Variants in LRP2 observed in about 807,000 individuals in gnomAD.
LRP2 encodes low-density lipoprotein receptor-related protein 2.
A neutral mutation model predicts 531.0 loss-of-function variants in LRP2; 172 were observed. The ratio of observed to expected loss-of-function variants is 0.32; its 90% confidence interval spans 0.29 to 0.37. The LOEUF (loss-of-function observed/expected upper bound fraction) is 0.37, where lower values mean the gene tolerates loss of function less well. Ranked by LOEUF, LRP2 falls within the 10% of genes least tolerant of loss-of-function variation. The pLI is 1.00. For synonymous variants in LRP2, 1,992 were observed against 2,027.6 expected, an observed-to-expected ratio of 0.98 and a Z score of 0.47; for missense variants, 5,167 against 5,868.3, an observed-to-expected ratio of 0.88 and a Z score of 3.90.
At chr2:169,358,558 G>A (rs1038277363) in intron 1 of LRP2, among the ~76,000 whole-genome samples, 1 of 152,164 alleles carries the variant, frequency 6.6e-6, no homozygotes, top group African/African-American at 2.4e-5. Flanking sequence ...AGGTTCCAGA[G>A]TTGTGATGGA....
At chr2:169,231,168 C>T (rs1390306770) in intron 31 of LRP2, among the ~76,000 whole-genome samples, 2 of 151,996 alleles carry the variant, frequency 1.3e-5, no homozygotes, top group Non-Finnish European at 2.9e-5. Flanking sequence ...GTGGCGTGCA[C>T]CTATAGTCTC....
intron 36 of LRP2, among the ~76,000 whole-genome samples, chr2:169,212,635 C>A (rs192594896): frequency 6.6e-6 from 1 of 152,026 alleles, no homozygotes; most frequent in East Asian, 1.9e-4. Flanking sequence ...TTGGAAGAAA[C>A]TGGAGACTAT....
intron 16 of LRP2, among the ~76,000 whole-genome samples, chr2:169,263,283 G>C (rs1690647288): frequency 6.6e-6 from 1 of 152,084 alleles, no homozygotes; most frequent in African/African-American, 2.4e-5. Context: ...CACAGCAAAA[G>C]AAACTACCAT....
chr2:169,288,915 T>G, intron 9 of LRP2, 111 bp downstream of exon 9: 1 of 1,541,594 alleles, frequency 6.5e-7, no homozygotes, highest in African/African-American at 1.4e-5. Flanking sequence ...CTCTTTGTTA[T>G]GACAGACCAT....
chr2:169,257,813 A>C lies in LRP2; in HGVS notation c.2514-564T>G, dbSNP rs561930340. Among the ~76,000 whole-genome samples, 13 of 128,014 alleles carry C rather than the reference A, an allele frequency of 1.0e-4. No individual in the cohort carries two copies. The East Asian group carries it at 1.1e-3, about 11-fold the overall frequency. 84.0% of individuals were successfully genotyped at this position (128,014 alleles called of 152,430 possible). On this transcript the variant is annotated intron_variant, in intron 17 of 78. Transcript: ENST00000649046. ...GGAAAAAGATAAGTCTAGAGGCAAA[A>C]AAAAACAAAAACAAAAAAAAAAAAC...
chr2:169,175,464 C>G (rs908211708), intron 54 of LRP2, 75 bp from the exon 55 acceptor site: 4 of 1,401,030 alleles, frequency 2.9e-6, no homozygotes, highest in Non-Finnish European at 4.0e-6. Context: ...GAAGTCAACA[C>G]TGAATTCCAA....
intron 50 of LRP2, among the ~76,000 whole-genome samples, chr2:169,183,547 G>A (rs1247170903): frequency 6.6e-6 from 1 of 152,174 alleles, no homozygotes; most frequent in Admixed American, 6.6e-5. Context: ...TAGTATTCCT[G>A]TTGCTATTAC....
chr2:169,265,045 C>G (rs1013609997), intron 16 of LRP2, among the ~76,000 whole-genome samples: 1 of 151,966 alleles, frequency 6.6e-6, no homozygotes, highest in Non-Finnish European at 1.5e-5. Context: ...ACATCTTCCC[C>G]TTACCCCAAG....
At chr2:169,346,071 G>C (rs1315041887) in intron 1 of LRP2, among the ~76,000 whole-genome samples, 1 of 152,158 alleles carries the variant, frequency 6.6e-6, no homozygotes, top group Non-Finnish European at 1.5e-5. Context: ...CAAAATGCTT[G>C]AAAAATAAAT....
In LRP2 at chr2:169,205,897, A is replaced by G. The variant is rs551580917; in HGVS notation, c.7556+126T>C. 51 of 1,307,936 alleles carry G rather than the reference A, an allele frequency of 3.9e-5. 1 individual carries two copies. In the South Asian group the frequency reaches 5.6e-4, roughly 14 times the overall value. 81.0% of individuals were successfully genotyped at this position (1,307,936 alleles called of 1,614,324 possible). A position where few individuals can be genotyped will look rare whatever the true frequency, so the allele number is the denominator to read the frequency against. The stretch of plus-strand genomic sequence containing the variant: ...ACGTAAAATCACTCAATATGCTTTC[A>G]TTTTTGAATCTGTAGCCATAGTTTT... On this transcript the variant is annotated intron_variant, in intron 40 of 78. Transcript: ENST00000649046.
At chr2:169,166,308 C>A (rs988524555) in intron 61 of LRP2, among the ~76,000 whole-genome samples, 5 of 152,202 alleles carry the variant, frequency 3.3e-5, no homozygotes, top group African/African-American at 1.2e-4. Context: ...GAGAAACAGG[C>A]TTTTCAAATT....
Position 169,128,432 on chromosome 2 carries a change from C to T in LRP2, c.*231G>A, listed in dbSNP as rs1004325884. 1.1e-4 allele frequency: 50 copies of T among 451,238 alleles called. No individual in the cohort carries two copies. Among genetic ancestry groups the T allele is most frequent in the African/African-American group, 8.7e-4 (44 of 50,472 alleles). 28.0% of individuals were successfully genotyped at this position (451,238 alleles called of 1,614,324 possible). On this transcript the variant is annotated 3_prime_UTR_variant, in exon 79 of 79. Transcript: ENST00000649046. ...AATATACAATATATTTATAGTATTA[C>T]CTTCAGACAACTTCAGTGCAAAGAT... is the stretch of plus-strand genomic sequence containing the variant.
At chr2:169,271,659 A>G (rs553550593) in intron 15 of LRP2, 3 of 830,988 alleles carry the variant, frequency 3.6e-6, no homozygotes, top group African/African-American at 1.9e-5. Flanking sequence ...ACACACAGAA[A>G]CCTTTCTCAC....
chr2:169,255,540 C>T (rs1424445011), intron 19 of LRP2, among the ~76,000 whole-genome samples: 2 of 152,114 alleles, frequency 1.3e-5, no homozygotes, highest in Admixed American at 1.3e-4. Flanking sequence ...AAAATTATGT[C>T]TTGCTGTTCT....
At chr2:169,359,378 T>C (rs757639111) in intron 1 of LRP2, among the ~76,000 whole-genome samples, 8 of 152,094 alleles carry the variant, frequency 5.3e-5, no homozygotes, top group African/African-American at 1.2e-4. Context: ...ATAAGGAAAA[T>C]GCAAATAATT....
intron 3 of LRP2, among the ~76,000 whole-genome samples, chr2:169,315,959 CAA>C (rs536458606): frequency 0.03 from 2,251 of 73,818 alleles, 45 homozygotes; most frequent in African/African-American, 0.1. Context: ...CCCATCTCTA[CAA>C]AAAAAAAAAA....
chr2:169,299,221 A>G (rs906079829), intron 4 of LRP2, among the ~76,000 whole-genome samples: 9 of 151,994 alleles, frequency 5.9e-5, no homozygotes, highest in African/African-American at 2.2e-4. Flanking sequence ...GAAAGAAAAT[A>G]TGGTCATCCC....
chr2:169,356,710 A>C (rs1157949106), intron 1 of LRP2, among the ~76,000 whole-genome samples: 5 of 152,244 alleles, frequency 3.3e-5, no homozygotes, highest in Non-Finnish European at 5.9e-5. Flanking sequence ...CATTAGGAAC[A>C]TGTGAAGAAC....
chr2:169,241,001 C>G lies in LRP2; in HGVS notation c.4032G>C (p.Glu1344Asp), dbSNP rs1191703468. Residue 1344 changes from glutamate to aspartate, a missense_variant, in exon 25 of 79, where the codon GAG becomes GAC. This residue lies in a region of LRP2 where 2,811 missense variants were observed against 3,058.0 expected (regional missense o/e 0.92). Transcript: ENST00000649046. ...GIFDCPNGTD[E>D]SPLCNGNSCS... is the part of the protein sequence containing the mutation. ...CAGGAAACTTACTGCAAAGTGGGGA[C>G]TCATCTGTCCCATTGGGGCAGTCAA... 1 of 1,613,286 alleles carries G rather than the reference C, an allele frequency of 6.2e-7. No homozygotes were observed. The highest frequency in any genetic ancestry group is 1.1e-5 in the South Asian group (1 of 91,080).
Sources: allele counts gnomAD v4.1 joint callset (sites outside exome capture counted in the v4.1 genomes callset), GRCh38; gene constraint gnomAD v4.1.1; regional missense constraint gnomAD v4.1.1; transcripts MANE v1.5; gene names NCBI Gene and HGNC (gene_info 2026-07-23, HGNC 2026-07-21).